The following CTNNA3 variants were observed in gnomAD, a reference collection of about 807,000 sequenced individuals.
CTNNA3 encodes catenin alpha 3, also known as catenin alpha-3.
CTNNA3 carries 76 observed loss-of-function variants against 95.7 expected under a neutral mutation model. The ratio of observed to expected loss-of-function variants is 0.79; its 90% CI spans 0.66 to 0.96. The LOEUF is 0.96. Among genes scored for constraint, CTNNA3 ranks in the 40% least tolerant of loss-of-function variants. The pLI is 0.00. For missense variants in CTNNA3, 1,191 were observed against 1,089.8 expected, an observed-to-expected ratio of 1.09 and a Z score of -1.31; for synonymous variants, 431 against 374.4, an observed-to-expected ratio of 1.15 and a Z score of -1.74.
intron 5 of CTNNA3, among the ~76,000 whole-genome samples, chr10:67,481,959 C>T (rs1371794560): frequency 6.6e-6 from 1 of 151,856 alleles, no homozygotes; most frequent in Non-Finnish European, 1.5e-5. Flanking sequence ...TTTCAGCTTT[C>T]TCCATATGGC....
intron 12 of CTNNA3, among the ~76,000 whole-genome samples, chr10:66,299,503 G>C (rs1589050821): frequency 6.6e-6 from 1 of 152,176 alleles, no homozygotes; most frequent in East Asian, 1.9e-4. Flanking sequence ...TAATTCCAAT[G>C]AACCATGCAT....
intron 12 of CTNNA3, among the ~76,000 whole-genome samples, chr10:66,304,373 C>A (rs1218926680): frequency 6.6e-6 from 1 of 152,144 alleles, no homozygotes; most frequent in East Asian, 1.9e-4. Flanking sequence ...GAACCTATGG[C>A]CCTGTCCTTC....
chr10:66,604,254 A>G (rs180724821), intron 10 of CTNNA3, among the ~76,000 whole-genome samples: 1 of 152,262 alleles, frequency 6.6e-6, no homozygotes, highest in East Asian at 1.9e-4. Flanking sequence ...AAGAACAAAA[A>G]CAAAAACAAA....
At chr10:67,149,982 T>C (rs1861020626) in intron 7 of CTNNA3, among the ~76,000 whole-genome samples, 1 of 152,200 alleles carries the variant, frequency 6.6e-6, no homozygotes, top group African/African-American at 2.4e-5. Flanking sequence ...AATCAGAAGA[T>C]TTCAATGCAC....
At chr10:67,393,458 G>T (rs2132779662) in intron 5 of CTNNA3, among the ~76,000 whole-genome samples, 1 of 152,146 alleles carries the variant, frequency 6.6e-6, no homozygotes, top group South Asian at 2.1e-4. Context: ...AGTATATTCT[G>T]CATGGTCAGC....
chr10:66,542,584 T>C (rs1272931130), intron 10 of CTNNA3, among the ~76,000 whole-genome samples: 1 of 152,152 alleles, frequency 6.6e-6, no homozygotes, highest in Non-Finnish European at 1.5e-5. Flanking sequence ...TCATGTCCTT[T>C]GTATGGACAT....
chr10:67,391,052 C>T (rs1017718706), intron 5 of CTNNA3, among the ~76,000 whole-genome samples: 9 of 151,352 alleles, frequency 5.9e-5, no homozygotes, highest in African/African-American at 2.2e-4. Context: ...GAAGTTCTGG[C>T]CAGGGCAATT....
chr10:67,617,333 A>G (rs1402062537), intron 2 of CTNNA3, among the ~76,000 whole-genome samples: 1 of 152,124 alleles, frequency 6.6e-6, no homozygotes, highest in Non-Finnish European at 1.5e-5. Flanking sequence ...GCTTCTACTT[A>G]TAAGTGAGCA....
intron 16 of CTNNA3, among the ~76,000 whole-genome samples, chr10:65,988,243 T>C (rs1474557006): frequency 6.6e-6 from 1 of 152,116 alleles, no homozygotes; most frequent in Non-Finnish European, 1.5e-5. Flanking sequence ...ATTACCTAAT[T>C]TGATCAATAC....
intron 17 of CTNNA3, among the ~76,000 whole-genome samples, chr10:65,926,132 T>C (rs1427098844): frequency 6.6e-6 from 1 of 151,166 alleles, no homozygotes; most frequent in Non-Finnish European, 1.5e-5. Context: ...GTAACCTGCA[T>C]AACTGTTTTC....
chr10:66,925,372 T>C (rs932309651), intron 7 of CTNNA3, among the ~76,000 whole-genome samples: 1 of 152,224 alleles, frequency 6.6e-6, no homozygotes, highest in South Asian at 2.1e-4. Context: ...CAATAAAGTA[T>C]GAACCAAATG....
chr10:67,711,729 C>T (rs1183981249), intron 1 of CTNNA3, among the ~76,000 whole-genome samples: 2 of 123,956 alleles, frequency 1.6e-5, no homozygotes, highest in Non-Finnish European at 3.3e-5. Context: ...GCTATCCCTC[C>T]CCCCTCCCCC....
At chr10:66,534,383 A>C (rs1163050556) in intron 10 of CTNNA3, among the ~76,000 whole-genome samples, 5 of 151,778 alleles carry the variant, frequency 3.3e-5, no homozygotes, top group Non-Finnish European at 1.5e-5. Flanking sequence ...TGGTAGATTA[A>C]AAATAGAGTA....
rs372322257 is a variant in CTNNA3 at position 66,399,117 on chromosome 10, A to G, written c.1532-19765T>C. On this transcript the variant is annotated intron_variant, in intron 11 of 17. Transcript: ENST00000433211. ...TACCCTGTTGCTTAAGGTTAGATGT[A>G]AAATAATAATCTGGGTGACTATAAT... 1.6e-4 allele frequency among the ~76,000 whole-genome samples: 24 copies of G among 152,120 alleles called. No individual in the cohort carries two copies. The East Asian group carries it at 4.6e-3, about 29-fold the overall frequency.
intron 5 of CTNNA3, among the ~76,000 whole-genome samples, chr10:67,412,321 C>G (rs554613950): frequency 4.8e-4 from 73 of 151,832 alleles, no homozygotes; most frequent in Admixed American, 2.6e-3. Flanking sequence ...TAAAATTCAA[C>G]AAAAAGAAAA....
chr10:66,566,753 A>G (rs1842719026), intron 10 of CTNNA3, among the ~76,000 whole-genome samples: 3 of 151,994 alleles, frequency 2.0e-5, no homozygotes, highest in African/African-American at 7.2e-5. Flanking sequence ...ATGTCAAAAG[A>G]GAAACCAAGG....
intron 5 of CTNNA3, among the ~76,000 whole-genome samples, chr10:67,374,035 A>G (rs947544540): frequency 6.6e-6 from 1 of 152,156 alleles, no homozygotes. Context: ...TGTAAAACTT[A>G]TTTTTTGATA....
chr10:66,715,568 T>A (rs1487935752), intron 9 of CTNNA3, among the ~76,000 whole-genome samples: 1 of 152,172 alleles, frequency 6.6e-6, no homozygotes, highest in Non-Finnish European at 1.5e-5. Context: ...ATATAATTTT[T>A]AATGACAAAT....
At chr10:67,726,339 T>TGTAAG (rs1841216234) in intron 1 of CTNNA3, among the ~76,000 whole-genome samples, 1 of 56,206 alleles carries the variant, frequency 1.8e-5, no homozygotes, top group South Asian at 8.6e-4. Flanking sequence ...ACATATTATA[T>TGTAAG]ATAATATATG....
Sources: allele counts gnomAD v4.1 joint callset (sites outside exome capture counted in the v4.1 genomes callset), GRCh38; gene constraint gnomAD v4.1.1; transcripts MANE v1.5; gene names NCBI Gene and HGNC (gene_info 2026-07-23, HGNC 2026-07-21).